The following HPGDS variants were observed in gnomAD, a reference collection of about 807,000 sequenced individuals.
HPGDS encodes hematopoietic prostaglandin D synthase.
HPGDS carries 26 observed loss-of-function variants against 23.1 expected under a neutral mutation model. The ratio of observed to expected loss-of-function variants is 1.13; its 90% CI spans 0.83 to 1.56. The LOEUF is 1.56. Among genes scored for constraint, HPGDS ranks in the 40% most tolerant of loss-of-function variants. HPGDS has a pLI of 0.00. For missense variants in HPGDS, 268 were observed against 236.4 expected (o/e 1.13, Z -0.88); for synonymous variants, 95 against 77.9 (o/e 1.22, Z -1.16).
At chr4:94,307,080 T>C (rs1220980843) in intron 4 of HPGDS, among the ~76,000 whole-genome samples, 1 of 152,116 alleles carries the variant, frequency 6.6e-6, no homozygotes, top group Non-Finnish European at 1.5e-5. Flanking sequence ...AGTAATTACA[T>C]TGAATTCAAA....
Position 94,313,638 on chromosome 4 carries a change from G to A in HPGDS, c.226+4235C>T, listed in dbSNP as rs546884176. Among the ~76,000 whole-genome samples the A allele has an allele frequency of 2.6e-4, 40 of 152,238 alleles. 1 individual carries two copies. The highest frequency in any genetic ancestry group is 8.3e-4 in the South Asian group (4 of 4,820). On this transcript the variant is annotated intron_variant, in intron 3 of 5. Transcript: ENST00000295256. The stretch of plus-strand genomic sequence containing the variant: ...GTCTTGGAGTTGCTCTTCTCGAGGA[G>A]TATCTTTGTGGCGTTCTCTGTATTT...
At chr4:94,337,778 A>G (rs1454916070) in intron 1 of HPGDS, among the ~76,000 whole-genome samples, 1 of 152,242 alleles carries the variant, frequency 6.6e-6, no homozygotes, top group Non-Finnish European at 1.5e-5. Context: ...TGAATTCTGC[A>G]TGAAAACAAA....
chr4:94,300,720 GT>G (rs1756022942), intron 5 of HPGDS, among the ~76,000 whole-genome samples: 1 of 147,794 alleles, frequency 6.8e-6, no homozygotes, highest in African/African-American at 2.5e-5. Context: ...AATGATAGGG[GT>G]TAGGAAAAAA....
intron 4 of HPGDS, among the ~76,000 whole-genome samples, chr4:94,302,512 C>A (rs1293986605): frequency 6.6e-6 from 1 of 151,882 alleles, no homozygotes; most frequent in Non-Finnish European, 1.5e-5. Context: ...AATATTTTAC[C>A]CACAAAATCT....
chr4:94,309,148 T>C (rs1479762998), intron 3 of HPGDS, among the ~76,000 whole-genome samples: 1 of 150,810 alleles, frequency 6.6e-6, no homozygotes, highest in East Asian at 2.0e-4. Flanking sequence ...TACTTTAAGT[T>C]CTAAGGTACA....
intron 4 of HPGDS, among the ~76,000 whole-genome samples, chr4:94,306,223 C>A (rs1756136200): frequency 6.6e-6 from 1 of 152,044 alleles, no homozygotes; most frequent in Non-Finnish European, 1.5e-5. Flanking sequence ...TAATCACACA[C>A]CACCTGCCAG....
At chr4:94,306,507 AC>A (rs1167162616) in intron 4 of HPGDS, among the ~76,000 whole-genome samples, 1 of 152,084 alleles carries the variant, frequency 6.6e-6, no homozygotes, top group African/African-American at 2.4e-5. Flanking sequence ...AATCCTATCA[AC>A]AACACAAAAT....
At chr4:94,304,192 T>C (rs1756098538) in intron 4 of HPGDS, among the ~76,000 whole-genome samples, 1 of 152,182 alleles carries the variant, frequency 6.6e-6, no homozygotes, top group South Asian at 2.1e-4. Flanking sequence ...TTAGAGAGGT[T>C]CGTATATTTC....
chr4:94,328,311 T>G (rs1445419677), intron 2 of HPGDS, among the ~76,000 whole-genome samples: 1 of 152,230 alleles, frequency 6.6e-6, no homozygotes, highest in Admixed American at 6.5e-5. Flanking sequence ...ATTTTGATCC[T>G]TCTTTGAGGA....
Position 94,299,340 on chromosome 4 carries a change from A to G in HPGDS, c.*140T>C, listed in dbSNP as rs909846785. The G allele has an allele frequency of 1.2e-5, 8 of 692,492 alleles. No homozygotes were observed. Among genetic ancestry groups the G allele is most frequent in the Non-Finnish European group, 1.8e-5 (8 of 439,756 alleles). 42.9% of individuals were successfully genotyped at this position (692,492 alleles called of 1,614,324 possible). ...GATTTGTTTTTATTTTCCTTTTTAA[A>G]AATCAGAATATGGCTAAAGTGAAAA... On this transcript the variant is annotated 3_prime_UTR_variant, in exon 6 of 6. Coordinates refer to ENST00000295256, the MANE Select transcript of HPGDS (RefSeq NM_014485.3).
intron 3 of HPGDS, 77 bp downstream of exon 3, chr4:94,317,796 G>A (rs1405209241): frequency 1.2e-6 from 1 of 834,372 alleles, no homozygotes. Flanking sequence ...CTATGCTAAA[G>A]TCATTTAATG....
chr4:94,299,055 T>A lies in HPGDS; in HGVS notation c.*425A>T, dbSNP rs1755979944. On this transcript the variant is annotated 3_prime_UTR_variant, in exon 6 of 6. Transcript: ENST00000295256. ...AGAAGTGACTGGTCATTGGTCATGATGTACATAGGTTATTTACACAGCGAT... is the reference window on the plus strand; with the variant it reads ...AGAAGTGACTGGTCATTGGTCATGAAGTACATAGGTTATTTACACAGCGAT... The A allele has an allele frequency of 6.4e-6, 1 of 156,868 alleles. No homozygotes were observed. Among genetic ancestry groups the A allele is most frequent in the Non-Finnish European group, 1.4e-5 (1 of 70,942 alleles). 9.7% of individuals were successfully genotyped at this position (156,868 alleles called of 1,614,324 possible).
intron 1 of HPGDS, among the ~76,000 whole-genome samples, chr4:94,341,089 G>A (rs945659624): frequency 3.3e-5 from 5 of 151,320 alleles, no homozygotes; most frequent in Non-Finnish European, 5.9e-5. Flanking sequence ...CGCCAGCCTC[G>A]GCCTCCCAAA....
At position 94,299,645 on chromosome 4, in the gene HPGDS, C is replaced by G. The variant is rs781651415; in HGVS notation, c.436-1G>C. The G allele has an allele frequency of 4.3e-6, 7 of 1,612,838 alleles. No individual in the cohort carries two copies. Among genetic ancestry groups the G allele is most frequent in the Non-Finnish European group, 5.9e-6 (7 of 1,179,348 alleles). On this transcript the variant is annotated splice_acceptor_variant, in intron 5 of 5. Coordinates refer to ENST00000295256, the MANE Select transcript of HPGDS (RefSeq NM_014485.3). LOFTEE classifies it high-confidence loss of function. The stretch of plus-strand genomic sequence containing the variant: ...CCCAGTAGAAGTCTGCCCAAGTTAC[C>G]TAGTTTAAAGGAAACAAACTTTTCA...
chr4:94,340,283 TTC>T (rs1202259530), intron 1 of HPGDS, among the ~76,000 whole-genome samples: 6 of 66,564 alleles, frequency 9.0e-5, no homozygotes, highest in Non-Finnish European at 1.3e-4. Context: ...CTTTCTTTCT[TTC>T]TTTCTTTCTT....
chr4:94,309,268 G>A (rs866137485), intron 3 of HPGDS, among the ~76,000 whole-genome samples: 28 of 56,298 alleles, frequency 5.0e-4, no homozygotes, highest in African/African-American at 8.3e-4. Context: ...TATCCCTCCC[G>A]CCTCCCCCCA....
At chr4:94,306,367 C>G (rs1756138158) in intron 4 of HPGDS, among the ~76,000 whole-genome samples, 1 of 151,940 alleles carries the variant, frequency 6.6e-6, no homozygotes, top group Admixed American at 6.6e-5. Context: ...CATCTCTAAA[C>G]CACAGTAATG....
chr4:94,320,770 G>C (rs940600401), intron 2 of HPGDS, among the ~76,000 whole-genome samples: 1 of 152,166 alleles, frequency 6.6e-6, no homozygotes, highest in Non-Finnish European at 1.5e-5. Context: ...AGTTTAATTA[G>C]ATCCCATTTG....
intron 2 of HPGDS, among the ~76,000 whole-genome samples, chr4:94,324,986 G>C (rs1756599676): frequency 6.6e-6 from 1 of 152,200 alleles, no homozygotes; most frequent in African/African-American, 2.4e-5. Context: ...ATTCCTTTCT[G>C]TTTGTTAGTT....
Sources: gnomAD v4.1 joint callset for allele counts (sites outside exome capture counted in the v4.1 genomes callset) on GRCh38, gnomAD v4.1.1 for gene constraint, MANE v1.5 for transcripts, NCBI Gene and HGNC (gene_info 2026-07-23, HGNC 2026-07-21) for gene names.